Variants in SH3BGRL2 observed in about 807,000 individuals in gnomAD.
SH3BGRL2 encodes SH3 domain binding glutamate rich protein like 2, also known as SH3 domain-binding glutamic acid-rich-like protein 2.
Under a neutral mutation model 14.8 loss-of-function variants are expected in SH3BGRL2, and 21 were observed. The ratio of observed to expected loss-of-function variants is 1.42; its 90% CI spans 1.01 to 2.05. The LOEUF (loss-of-function observed/expected upper bound fraction) is 2.05. SH3BGRL2 is among the 30% of genes most tolerant of loss of function. SH3BGRL2 has a pLI of 0.00. For synonymous variants in SH3BGRL2, 50 were observed against 47.8 expected, an observed-to-expected ratio of 1.05 and a Z score of -0.19; for missense variants, 147 against 130.8, an observed-to-expected ratio of 1.12 and a Z score of -0.61.
chr6:79,639,024 A>C (rs1016196744), intron 1 of SH3BGRL2, among the ~76,000 whole-genome samples: 3 of 152,224 alleles, frequency 2.0e-5, no homozygotes, highest in Non-Finnish European at 4.4e-5. Flanking sequence ...TTCAATTTTT[A>C]AAAATCAAAA....
chr6:79,622,753 C>T, the SH3BGRL2 span, among the ~76,000 whole-genome samples: 2 of 152,066 alleles, frequency 1.3e-5, no homozygotes, highest in East Asian at 1.9e-4. Context: ...TAGGAATTAC[C>T]AGGACATATT....
the SH3BGRL2 span, chr6:79,575,214 A>G: frequency 0.11 from 16,229 of 152,210 alleles, 975 homozygotes; most frequent in Non-Finnish European, 0.13. Context: ...ACCTTGCTGT[A>G]TAGTAGAACT....
intron 2 of SH3BGRL2, among the ~76,000 whole-genome samples, chr6:79,680,773 AGT>A (rs1469003487): frequency 1.3e-5 from 2 of 151,964 alleles, no homozygotes; most frequent in Non-Finnish European, 2.9e-5. Flanking sequence ...TCAGTGTACA[AGT>A]CTTTTACCAC....
chr6:79,594,147 ATAATT>A, the SH3BGRL2 span, among the ~76,000 whole-genome samples: 1 of 152,160 alleles, frequency 6.6e-6, no homozygotes, highest in Non-Finnish European at 1.5e-5. Flanking sequence ...AATAAATATT[ATAATT>A]TAAAATGTTT....
chr6:79,668,618 G>A (rs1429321215), intron 1 of SH3BGRL2, among the ~76,000 whole-genome samples: 1 of 151,838 alleles, frequency 6.6e-6, no homozygotes, highest in Non-Finnish European at 1.5e-5. Context: ...AGTGGTTGAG[G>A]GTAATAGAGT....
chr6:79,694,459 C>A (rs1770290088), intron 2 of SH3BGRL2, among the ~76,000 whole-genome samples: 1 of 152,148 alleles, frequency 6.6e-6, no homozygotes, highest in Admixed American at 6.5e-5. Flanking sequence ...GAGATTTTGC[C>A]TGTATTTCAT....
At chr6:79,663,021 A>G (rs774244565) in intron 1 of SH3BGRL2, among the ~76,000 whole-genome samples, 2 of 152,042 alleles carry the variant, frequency 1.3e-5, no homozygotes, top group Non-Finnish European at 2.9e-5. Context: ...TCTTCTCTAC[A>G]CTGCTTATTC....
chr6:79,589,487 C>T, the SH3BGRL2 span, among the ~76,000 whole-genome samples: 1 of 152,002 alleles, frequency 6.6e-6, no homozygotes, highest in South Asian at 2.1e-4. Context: ...TAGTACCAAT[C>T]ATAATCAAAT....
chr6:79,656,227 G>C (rs1331046120), intron 1 of SH3BGRL2, among the ~76,000 whole-genome samples: 2 of 152,320 alleles, frequency 1.3e-5, no homozygotes, highest in Non-Finnish European at 2.9e-5. Context: ...AATATGGATG[G>C]TTTCAAGAAA....
chr6:79,615,832 CTTTTTTTTTTTT>C, the SH3BGRL2 span, among the ~76,000 whole-genome samples: 1 of 109,238 alleles, frequency 9.2e-6, no homozygotes, highest in African/African-American at 3.6e-5. Context: ...TTTTTTCTTT[CTTTTTTTTTTTT>C]TTTTTAGACA....
At chr6:79,557,029 A>G in the SH3BGRL2 span, among the ~76,000 whole-genome samples, 19 of 151,874 alleles carry the variant, frequency 1.3e-4, no homozygotes, top group Non-Finnish European at 2.5e-4. Context: ...CTGGAAATCC[A>G]AAATATATAT....
rs917638013 is a variant in SH3BGRL2 at position 79,703,366 on chromosome 6, A to T, written c.*3857A>T. The T allele has an allele frequency of 3.3e-5, 5 of 152,196 alleles. No homozygotes were observed. The highest frequency in any genetic ancestry group is 4.1e-4 in the South Asian group (2 of 4,820). The allele number at this position is 152,196 out of a possible 1,614,324, so 9.4% of individuals were successfully genotyped here. A position where few individuals can be genotyped will look rare whatever the true frequency, so the allele number is the denominator to read the frequency against. On this transcript the variant is annotated 3_prime_UTR_variant, in exon 4 of 4. Coordinates refer to ENST00000369838, the MANE Select transcript of SH3BGRL2 (RefSeq NM_031469.4). ...TTTGTTATAAGCCATTTGAATTTTT[A>T]AAAAATTTCATACATGCAATGGAAT...
the SH3BGRL2 span, among the ~76,000 whole-genome samples, chr6:79,594,610 C>T: frequency 1.3e-5 from 2 of 151,986 alleles, no homozygotes. Flanking sequence ...AGCTGGTACT[C>T]TCTATGGGAA....
At chr6:79,665,114 C>T (rs977113197) in intron 1 of SH3BGRL2, among the ~76,000 whole-genome samples, 2 of 152,146 alleles carry the variant, frequency 1.3e-5, no homozygotes, top group East Asian at 1.9e-4. Flanking sequence ...ACAGGAAAAT[C>T]GCTTGAACCC....
chr6:79,680,919 C>A (rs1322739023), intron 2 of SH3BGRL2, among the ~76,000 whole-genome samples: 1 of 152,046 alleles, frequency 6.6e-6, no homozygotes, highest in African/African-American at 2.4e-5. Context: ...GATTTTGTAT[C>A]CTACAACTTT....
the SH3BGRL2 span, among the ~76,000 whole-genome samples, chr6:79,546,699 CTTT>C: frequency 7.0e-6 from 1 of 143,866 alleles, no homozygotes. Context: ...AGTAGCAACT[CTTT>C]TTTTTTTTTT....
At chr6:79,626,666 T>C (rs142448172), upstream of SH3BGRL2, among the ~76,000 whole-genome samples, 21 of 152,300 alleles carry the variant, frequency 1.4e-4, no homozygotes, top group East Asian at 4.0e-3. Flanking sequence ...TGCCTGTAGA[T>C]GGTGAGTTTA....
intron 1 of SH3BGRL2, 71 bp downstream of exon 1, chr6:79,631,577 C>T: frequency 3.3e-6 from 4 of 1,220,640 alleles, no homozygotes; most frequent in Non-Finnish European, 4.2e-6. Flanking sequence ...GCGCGGCGCT[C>T]GTCACTGCGC....
At chr6:79,568,534 CATATT>C in the SH3BGRL2 span, among the ~76,000 whole-genome samples, 2,729 of 152,086 alleles carry the variant, frequency 0.018, 77 homozygotes, top group African/African-American at 0.062. Context: ...ACCCAACAAA[CATATT>C]ATTCAGGAAT....
Sources: gnomAD v4.1 joint callset for allele counts (sites outside exome capture counted in the v4.1 genomes callset) on GRCh38, gnomAD v4.1.1 for gene constraint, MANE v1.5 for transcripts, NCBI Gene and HGNC (gene_info 2026-07-23, HGNC 2026-07-21) for gene names.